ZFHX3: variants seen among roughly 807,000 people sequenced by gnomAD.
The protein encoded by ZFHX3 is zinc finger homeobox protein 3.
In ZFHX3, 42 loss-of-function variants were observed where a neutral mutation model predicts 279.1. That is an observed-to-expected ratio of 0.15 (90% confidence interval 0.12 to 0.19). The LOEUF is 0.19. Among genes scored for constraint, ZFHX3 ranks in the 10% least tolerant of loss-of-function variants. The probability of loss-of-function intolerance (pLI) is 1.00; values close to 1 mark genes in which losing one functional copy is unlikely to be tolerated. For missense variants in ZFHX3, 4,981 were observed against 4,754.0 expected (o/e 1.05, Z -1.40); for synonymous variants, 2,293 against 1,957.8 (o/e 1.17, Z -4.52).
intron 7 of ZFHX3, among the ~76,000 whole-genome samples, chr16:72,802,685 A>G (rs2036142831): frequency 6.6e-6 from 1 of 152,158 alleles, no homozygotes; most frequent in Non-Finnish European, 1.5e-5. Context: ...ATGTGTCTCA[A>G]CAGAGGTTGA....
rs145991534 is a variant in ZFHX3 at position 73,044,356 on chromosome 16, C to A, written c.-50+3396G>T. Among the ~76,000 whole-genome samples, 1,013 of 152,258 alleles carry A rather than the reference C, an allele frequency of 6.7e-3. 11 individuals carry two copies. The highest frequency in any genetic ancestry group is 0.024 in the African/African-American group (980 of 41,544). On this transcript the variant is annotated intron_variant, in intron 1 of 9. Transcript: ENST00000268489. Reference sequence around the variant, plus strand: ...TTAGGAACCAGAGCAAGCCAACAGGCCCAAACATCACAGAAATAGGCCAGG... The same window carrying A: ...TTAGGAACCAGAGCAAGCCAACAGGACCAAACATCACAGAAATAGGCCAGG...
At chr16:73,618,790 G>C (rs1186334797) in intron 2 of ZFHX3, among the ~76,000 whole-genome samples, 2 of 152,208 alleles carry the variant, frequency 1.3e-5, no homozygotes, top group African/African-American at 4.8e-5. Context: ...GGACATGTTA[G>C]ATCTTTGGTA....
chr16:72,908,156 A>G (rs982661860), intron 3 of ZFHX3, among the ~76,000 whole-genome samples: 4 of 152,088 alleles, frequency 2.6e-5, no homozygotes, highest in Admixed American at 6.5e-5. Flanking sequence ...CCCCCCAGTG[A>G]GACTGGAAGG....
intron 2 of ZFHX3, among the ~76,000 whole-genome samples, chr16:73,580,209 G>C (rs2051844970): frequency 6.6e-6 from 1 of 151,910 alleles, no homozygotes. Flanking sequence ...GCCAGGTGCA[G>C]TGGCTCATGC....
intron 5 of ZFHX3, among the ~76,000 whole-genome samples, chr16:73,209,514 G>C (rs183087003): frequency 2.0e-5 from 3 of 152,232 alleles, no homozygotes. Flanking sequence ...AAGAGCAAAA[G>C]AAAGCAAACC....
chr16:73,755,355 C>T (rs548498872), intron 1 of ZFHX3, among the ~76,000 whole-genome samples: 2 of 152,240 alleles, frequency 1.3e-5, no homozygotes, highest in African/African-American at 4.8e-5. Context: ...TGGGAAAATC[C>T]TGGAGTTTAA....
At position 73,043,975 on chromosome 16, in the gene ZFHX3, C is replaced by T. The variant is rs903683255; in HGVS notation, c.-50+3777G>A. 3.3e-5 allele frequency among the ~76,000 whole-genome samples: 5 copies of T among 152,134 alleles called. 1 individual carries two copies. The highest frequency in any genetic ancestry group is 7.2e-5 in the African/African-American group (3 of 41,432). Reference sequence around the variant, plus strand: ...TTCTGCCTGGGTCTCTCCCTCGGGGCGGTTTGACACAACCGTAGCTTCTGT... The same window carrying T: ...TTCTGCCTGGGTCTCTCCCTCGGGGTGGTTTGACACAACCGTAGCTTCTGT... On this transcript the variant is annotated intron_variant, in intron 1 of 9. Coordinates refer to ENST00000268489, the MANE Select transcript of ZFHX3 (RefSeq NM_006885.4).
intron 4 of ZFHX3, among the ~76,000 whole-genome samples, chr16:73,265,033 T>TATATATATATATATAA (rs766121124): frequency 2.0e-5 from 3 of 150,076 alleles, no homozygotes; most frequent in East Asian, 2.0e-4. Context: ...TATATATATA[T>TATATATATATATATAA]AACACCTCAG....
Position 72,786,418 on chromosome 16 carries a change from T to TA in ZFHX3, c.*745_*746insT, listed in dbSNP as rs1567503323. 2.0e-5 allele frequency: 3 copies of TA among 150,812 alleles called. No individual in the cohort carries two copies. The highest frequency in any genetic ancestry group is 1.3e-4 in the Admixed American group (2 of 15,078). 9.3% of individuals were successfully genotyped at this position (150,812 alleles called of 1,614,324 possible). A position where few individuals can be genotyped will look rare whatever the true frequency, so the allele number is the denominator to read the frequency against. ...CTCTTTGTGTGTGTGGGTTATTATT[T>TA]TTTTTTTTTTTTGAAAGTGGGAGTG... On this transcript the variant is annotated 3_prime_UTR_variant, in exon 10 of 10. Coordinates refer to ENST00000268489, the MANE Select transcript of ZFHX3 (RefSeq NM_006885.4).
chr16:73,548,612 CA>C (rs527448406), intron 2 of ZFHX3, among the ~76,000 whole-genome samples: 7 of 149,862 alleles, frequency 4.7e-5, no homozygotes, highest in Non-Finnish European at 7.4e-5. Context: ...TAAATATGTA[CA>C]TTTTTTTAAA....
At chr16:73,709,410 A>G (rs1238187523) in intron 1 of ZFHX3, among the ~76,000 whole-genome samples, 3 of 152,116 alleles carry the variant, frequency 2.0e-5, no homozygotes, top group African/African-American at 7.2e-5. Flanking sequence ...AGAAAAAAAG[A>G]GAAATGGTCT....
At chr16:72,824,308 C>A (rs2036878549) in intron 5 of ZFHX3, among the ~76,000 whole-genome samples, 1 of 152,148 alleles carries the variant, frequency 6.6e-6, no homozygotes, top group Non-Finnish European at 1.5e-5. Context: ...TTAATACTTC[C>A]TTTAATAGCA....
intron 2 of ZFHX3, among the ~76,000 whole-genome samples, chr16:73,635,866 G>C (rs1026361399): frequency 4.6e-5 from 7 of 152,166 alleles, no homozygotes; most frequent in African/African-American, 1.7e-4. Context: ...ACTTGAAAGA[G>C]TTGTTTATGT....
At chr16:73,812,097 G>C (rs1405905992) in intron 1 of ZFHX3, among the ~76,000 whole-genome samples, 1 of 152,154 alleles carries the variant, frequency 6.6e-6, no homozygotes, top group East Asian at 1.9e-4. Flanking sequence ...CTGATTCTGA[G>C]GCTTATGGTG....
intron 3 of ZFHX3, among the ~76,000 whole-genome samples, chr16:73,326,328 G>A (rs1000768008): frequency 4.6e-5 from 7 of 152,234 alleles, no homozygotes; most frequent in African/African-American, 1.2e-4. Context: ...GTCCAATAAC[G>A]GGCTAATGTT....
chr16:73,186,660 C>T (rs372161016), intron 5 of ZFHX3, among the ~76,000 whole-genome samples: 4 of 150,212 alleles, frequency 2.7e-5, no homozygotes, highest in African/African-American at 4.9e-5. Context: ...TAATGGGGGT[C>T]GCATTTCGAT....
intron 1 of ZFHX3, among the ~76,000 whole-genome samples, chr16:73,719,587 A>G (rs2053453596): frequency 6.6e-6 from 1 of 152,184 alleles, no homozygotes; most frequent in Admixed American, 6.5e-5. Context: ...ATCTTGTATG[A>G]GTCAGGCAAT....
intron 2 of ZFHX3, among the ~76,000 whole-genome samples, chr16:73,641,403 C>A (rs1399753308): frequency 6.6e-6 from 1 of 152,034 alleles, no homozygotes; most frequent in Non-Finnish European, 1.5e-5. Context: ...GACATGCGGC[C>A]CCCTGAAGTG....
chr16:73,367,368 C>T (rs962969879), intron 3 of ZFHX3, among the ~76,000 whole-genome samples: 1 of 152,150 alleles, frequency 6.6e-6, no homozygotes, highest in Non-Finnish European at 1.5e-5. Context: ...GCAGGAAGAA[C>T]AGTGTGCAAT....
Sources: gnomAD v4.1 joint callset for allele counts (sites outside exome capture counted in the v4.1 genomes callset) on GRCh38, gnomAD v4.1.1 for gene constraint, MANE v1.5 for transcripts, NCBI Gene and HGNC (gene_info 2026-07-23, HGNC 2026-07-21) for gene names.